ZFHX3: variants seen among roughly 807,000 people sequenced by gnomAD.
ZFHX3 encodes the protein zinc finger homeobox protein 3.
In ZFHX3, 42 loss-of-function variants were observed where a neutral mutation model predicts 279.1. The observed-to-expected ratio is 0.15, with a 90% CI of 0.12 to 0.19. ZFHX3 has a LOEUF of 0.19. Among genes scored for constraint, ZFHX3 ranks in the 10% least tolerant of loss-of-function variants. The pLI is 1.00. For missense variants in ZFHX3, 4,981 were observed against 4,754.0 expected (o/e 1.05, Z -1.40); for synonymous variants, 2,293 against 1,957.8 (o/e 1.17, Z -4.52).
intron 5 of ZFHX3, among the ~76,000 whole-genome samples, chr16:73,219,098 A>G (rs2012315569): frequency 6.6e-6 from 1 of 152,218 alleles, no homozygotes; most frequent in African/African-American, 2.4e-5. Flanking sequence ...TTCAAGGTTC[A>G]TTCGTATTGA....
intron 4 of ZFHX3, among the ~76,000 whole-genome samples, chr16:73,283,339 C>T (rs1423699751): frequency 6.6e-6 from 1 of 152,184 alleles, no homozygotes; most frequent in East Asian, 1.9e-4. Context: ...ATGACCATCC[C>T]CAGGGACACG....
intron 1 of ZFHX3, among the ~76,000 whole-genome samples, chr16:72,974,306 C>T (rs1597040657): frequency 6.6e-6 from 1 of 152,308 alleles, no homozygotes; most frequent in African/African-American, 2.4e-5. Flanking sequence ...GGTACGTCCT[C>T]GCAATGATTC....
intron 5 of ZFHX3, among the ~76,000 whole-genome samples, chr16:72,819,721 C>T (rs1300810548): frequency 1.3e-5 from 2 of 152,182 alleles, no homozygotes; most frequent in Non-Finnish European, 2.9e-5. Flanking sequence ...CTCATCTAAA[C>T]TCAGGGATGA....
At chr16:73,674,437 T>C (rs904051749) in intron 2 of ZFHX3, among the ~76,000 whole-genome samples, 6 of 152,204 alleles carry the variant, frequency 3.9e-5, no homozygotes, top group Non-Finnish European at 8.8e-5. Flanking sequence ...AAACACACTG[T>C]GTAAGCTTAG....
At chr16:73,520,079 A>AT (rs1407834567) in intron 2 of ZFHX3, among the ~76,000 whole-genome samples, 1 of 152,186 alleles carries the variant, frequency 6.6e-6, no homozygotes, top group Non-Finnish European at 1.5e-5. Flanking sequence ...TGTAAACTTG[A>AT]TTTAATTTCA....
chr16:73,698,889 TTTG>T (rs1265854196), intron 1 of ZFHX3, among the ~76,000 whole-genome samples: 7 of 151,636 alleles, frequency 4.6e-5, no homozygotes, highest in Non-Finnish European at 7.4e-5. Context: ...TGTTTGTTTG[TTTG>T]TTTGTTTTTC....
chr16:73,550,956 G>A (rs904957147), intron 2 of ZFHX3, among the ~76,000 whole-genome samples: 1 of 152,152 alleles, frequency 6.6e-6, no homozygotes, highest in African/African-American at 2.4e-5. Context: ...AAACAAACTT[G>A]AGCTTGGAAA....
intron 3 of ZFHX3, among the ~76,000 whole-genome samples, chr16:73,439,924 A>C (rs1597336243): frequency 2.7e-5 from 4 of 145,770 alleles, no homozygotes; most frequent in African/African-American, 5.6e-5. Context: ...AAAAAAAAAA[A>C]AAAAAAAACA....
At chr16:72,828,286 G>A (rs972795152) in intron 5 of ZFHX3, among the ~76,000 whole-genome samples, 3 of 152,262 alleles carry the variant, frequency 2.0e-5, no homozygotes, top group African/African-American at 4.8e-5. Flanking sequence ...CATTTTTGTT[G>A]CCCGTCACAT....
intron 1 of ZFHX3, among the ~76,000 whole-genome samples, chr16:72,965,648 C>A (rs1292895366): frequency 6.6e-6 from 1 of 152,042 alleles, no homozygotes; most frequent in Non-Finnish European, 1.5e-5. Context: ...CAAATACACT[C>A]AAATAAAAAG....
chr16:73,576,513 G>T (rs1320261463), intron 2 of ZFHX3, among the ~76,000 whole-genome samples: 1 of 152,098 alleles, frequency 6.6e-6, no homozygotes, highest in African/African-American at 2.4e-5. Context: ...TTATTACAAA[G>T]GGAGGAAAAA....
chr16:73,574,188 G>T (rs1417579599), intron 2 of ZFHX3, among the ~76,000 whole-genome samples: 1 of 152,132 alleles, frequency 6.6e-6, no homozygotes, highest in Non-Finnish European at 1.5e-5. Flanking sequence ...ATGCAAAAAA[G>T]AAATGGTCTC....
At chr16:73,138,756 T>A (rs28630450) in intron 6 of ZFHX3, among the ~76,000 whole-genome samples, 17,473 of 152,154 alleles carry the variant, frequency 0.11, 1,009 homozygotes, top group East Asian at 0.14. Context: ...GGCATGATCA[T>A]GGCTCACTGC....
At chr16:72,830,465 C>G (rs1008547433) in intron 4 of ZFHX3, among the ~76,000 whole-genome samples, 1 of 152,164 alleles carries the variant, frequency 6.6e-6, no homozygotes, top group African/African-American at 2.4e-5. Context: ...TGTGAACATG[C>G]CAGGAGGCAG....
chr16:73,838,785 TGTGTGC>T lies in ZFHX3; in HGVS notation c.-1608+52860_-1608+52865del, dbSNP rs1227861173. On this transcript the variant is annotated intron_variant, in intron 1 of 17. Transcript: ENST00000641206. Reference sequence around the variant, plus strand: ...GTCTGTGTGTGTGTGTGTGTGTGTGTGTGTGCGTGCGCGCACGCATGTATGGTGTGT... The same window carrying T: ...GTCTGTGTGTGTGTGTGTGTGTGTGTGTGCGCGCACGCATGTATGGTGTGT... 4.8e-4 allele frequency among the ~76,000 whole-genome samples: 70 copies of T among 147,044 alleles called. 1 individual carries two copies. Among genetic ancestry groups the T allele is most frequent in the Admixed American group, 4.0e-3 (60 of 15,088 alleles).
chr16:73,537,223 A>G (rs1029235662), intron 2 of ZFHX3, among the ~76,000 whole-genome samples: 2 of 152,050 alleles, frequency 1.3e-5, no homozygotes, highest in African/African-American at 4.8e-5. Context: ...AGCATCACCA[A>G]TACCACTTTC....
chr16:73,428,083 G>T (rs778404380), intron 3 of ZFHX3, among the ~76,000 whole-genome samples: 1 of 152,064 alleles, frequency 6.6e-6, no homozygotes, highest in Non-Finnish European at 1.5e-5. Context: ...CTACTAAGCC[G>T]GGTCCCTTTG....
intron 1 of ZFHX3, among the ~76,000 whole-genome samples, chr16:73,794,935 TA>T (rs1567413005): frequency 6.6e-6 from 1 of 152,248 alleles, no homozygotes; most frequent in East Asian, 1.9e-4. Context: ...TTCATTACCA[TA>T]AAAAAAGTGT....
chr16:72,927,455 G>A (rs1959517841), intron 3 of ZFHX3, among the ~76,000 whole-genome samples: 2 of 152,290 alleles, frequency 1.3e-5, no homozygotes, highest in South Asian at 4.2e-4. Context: ...TTGGAATCTG[G>A]AATAAGTCAG....
Sources: allele counts gnomAD v4.1 joint callset (sites outside exome capture counted in the v4.1 genomes callset), GRCh38; gene constraint gnomAD v4.1.1; transcripts MANE v1.5; gene names NCBI Gene and HGNC (gene_info 2026-07-23, HGNC 2026-07-21).